Variants in GPC5 observed in about 807,000 individuals in gnomAD.
GPC5 encodes glypican-5.
In GPC5, 47 loss-of-function variants were observed where a neutral mutation model predicts 53.9. That is an observed-to-expected ratio of 0.87 (90% confidence interval 0.69 to 1.11). The LOEUF (loss-of-function observed/expected upper bound fraction) is 1.11. Among genes scored for constraint, GPC5 ranks in the 50% most tolerant of loss-of-function variants. The pLI is 0.00. For synonymous variants in GPC5, 286 were observed against 263.3 expected, an observed-to-expected ratio of 1.09 and a Z score of -0.84; for missense variants, 748 against 713.1, an observed-to-expected ratio of 1.05 and a Z score of -0.56.
rs1244637140 is a variant in GPC5 at position 91,556,150 on chromosome 13, C to T, written c.325+107228C>T. ...CAATTATTTTCTCATTTCAAGAACA[C>T]TATATAACTGGAATCATACAGTAAG... On this transcript the variant is annotated intron_variant, in intron 2 of 7. Coordinates refer to ENST00000377067, the MANE Select transcript of GPC5 (RefSeq NM_004466.6). 8.6e-5 allele frequency among the ~76,000 whole-genome samples: 13 copies of T among 151,990 alleles called. No homozygotes were observed. The East Asian group carries it at 2.3e-3, about 27-fold the overall frequency.
intron 7 of GPC5, among the ~76,000 whole-genome samples, chr13:92,389,502 CT>C: frequency 6.6e-6 from 1 of 152,232 alleles, no homozygotes; most frequent in African/African-American, 2.4e-5. Context: ...AACATTCTAG[CT>C]CTCTTTGGAA....
chr13:91,747,641 G>GTTTT (rs3837547), intron 4 of GPC5, among the ~76,000 whole-genome samples: 4 of 149,402 alleles, frequency 2.7e-5, no homozygotes, highest in Middle Eastern at 3.4e-3. Flanking sequence ...GATGTATCTG[G>GTTTT]TTTTTTTTTT....
chr13:92,030,716 G>C (rs1424277855), intron 6 of GPC5, among the ~76,000 whole-genome samples: 1 of 152,140 alleles, frequency 6.6e-6, no homozygotes, highest in East Asian at 1.9e-4. Context: ...CCTGAAGACT[G>C]GCCCGTCTAC....
intron 7 of GPC5, among the ~76,000 whole-genome samples, chr13:92,254,672 C>T (rs2042714860): frequency 6.6e-6 from 1 of 152,084 alleles, no homozygotes; most frequent in Admixed American, 6.6e-5. Flanking sequence ...CTGGGGAGGC[C>T]TTGGGAAACT....
At chr13:92,465,239 T>G (rs1263418171) in intron 7 of GPC5, among the ~76,000 whole-genome samples, 1 of 152,074 alleles carries the variant, frequency 6.6e-6, no homozygotes, top group African/African-American at 2.4e-5. Flanking sequence ...TGATTACAAT[T>G]TTTATAGCAT....
At chr13:92,837,250 C>T (rs575976742) in intron 7 of GPC5, among the ~76,000 whole-genome samples, 2 of 152,144 alleles carry the variant, frequency 1.3e-5, no homozygotes, top group Admixed American at 1.3e-4. Flanking sequence ...ATTACATATA[C>T]AGAAGGATTC....
intron 5 of GPC5, among the ~76,000 whole-genome samples, chr13:91,865,818 T>C (rs2039077162): frequency 6.6e-6 from 1 of 152,132 alleles, no homozygotes. Flanking sequence ...CCTCATCCCA[T>C]CCCTCTACTA....
intron 6 of GPC5, among the ~76,000 whole-genome samples, chr13:91,983,998 C>T (rs960485557): frequency 2.0e-5 from 3 of 152,234 alleles, no homozygotes; most frequent in East Asian, 1.9e-4. Flanking sequence ...CTTGGATGAG[C>T]GTGGTCAAAT....
At chr13:92,438,635 C>G (rs953718969) in intron 7 of GPC5, among the ~76,000 whole-genome samples, 1 of 151,900 alleles carries the variant, frequency 6.6e-6, no homozygotes, top group South Asian at 2.1e-4. Context: ...AGAACTTGAG[C>G]GAGTGAGACC....
Position 91,398,829 on chromosome 13 carries a change from C to A in GPC5, c.-218C>A. The A allele has an allele frequency of 1.9e-6, 1 of 518,052 alleles. No individual in the cohort carries two copies. The highest frequency in any genetic ancestry group is 3.4e-6 in the Non-Finnish European group (1 of 297,668). The allele number at this position is 518,052 out of a possible 1,614,324, so 32.1% of individuals were successfully genotyped here. On this transcript the variant is annotated 5_prime_UTR_variant, in exon 1 of 8. Coordinates refer to ENST00000377067, the MANE Select transcript of GPC5 (RefSeq NM_004466.6). ...GGCTAGGGAAGAAGACCAGAGGGTG[C>A]TCAGCTGGAAAACTCTGGTGTCTCA...
chr13:92,808,421 C>T (rs1877180459), intron 7 of GPC5, among the ~76,000 whole-genome samples: 1 of 152,048 alleles, frequency 6.6e-6, no homozygotes, highest in Non-Finnish European at 1.5e-5. Context: ...ATATCAATTA[C>T]ATTTTCCTTA....
intron 7 of GPC5, among the ~76,000 whole-genome samples, chr13:92,378,236 G>T (rs1260437427): frequency 1.3e-5 from 2 of 152,088 alleles, no homozygotes; most frequent in Non-Finnish European, 2.9e-5. Context: ...AGTTATCAGG[G>T]TATTCTTGAT....
At chr13:91,685,660 T>C (rs921933623) in intron 2 of GPC5, among the ~76,000 whole-genome samples, 5 of 152,198 alleles carry the variant, frequency 3.3e-5, no homozygotes, top group African/African-American at 1.2e-4. Context: ...GAAACTTGTA[T>C]GGCTTATTCA....
chr13:91,988,472 A>G (rs761783987), intron 6 of GPC5, among the ~76,000 whole-genome samples: 5 of 152,314 alleles, frequency 3.3e-5, no homozygotes, highest in Admixed American at 6.5e-5. Flanking sequence ...CCTATTAACT[A>G]CACAGGATTC....
chr13:92,617,744 T>A (rs1257258932), intron 7 of GPC5, among the ~76,000 whole-genome samples: 1 of 152,234 alleles, frequency 6.6e-6, no homozygotes, highest in Non-Finnish European at 1.5e-5. Context: ...GGTAGTAACA[T>A]AACAATGAAT....
chr13:92,021,440 A>T (rs1403856678), intron 6 of GPC5, among the ~76,000 whole-genome samples: 1 of 152,156 alleles, frequency 6.6e-6, no homozygotes, highest in Non-Finnish European at 1.5e-5. Context: ...GCATGGGGTG[A>T]AAGAGTAGAA....
At chr13:92,065,137 T>C (rs2041158073) in intron 6 of GPC5, among the ~76,000 whole-genome samples, 1 of 152,204 alleles carries the variant, frequency 6.6e-6, no homozygotes. Context: ...CTTTGATATG[T>C]GGCTGGGATC....
chr13:91,984,667 T>C (rs2040390518), intron 6 of GPC5, among the ~76,000 whole-genome samples: 2 of 152,248 alleles, frequency 1.3e-5, no homozygotes, highest in African/African-American at 4.8e-5. Context: ...CCCTGGTAAC[T>C]AATGTGTACC....
chr13:92,672,126 T>C lies in GPC5; in HGVS notation c.1562-194156T>C, dbSNP rs1457623509. On this transcript the variant is annotated intron_variant, in intron 7 of 7. Transcript: ENST00000377067. ...CAGACTTCAGTTTTGTTGGGTATTT[T>C]TTTTACTCCCAGCGAGCTAAATTTG... 2.6e-5 allele frequency among the ~76,000 whole-genome samples: 4 copies of C among 152,164 alleles called. No homozygotes were observed. The East Asian group carries it at 7.7e-4, about 29-fold the overall frequency.
Sources: allele counts gnomAD v4.1 joint callset (sites outside exome capture counted in the v4.1 genomes callset), GRCh38; gene constraint gnomAD v4.1.1; transcripts MANE v1.5; gene names NCBI Gene and HGNC (gene_info 2026-07-23, HGNC 2026-07-21).